NAV1: variants seen among roughly 807,000 people sequenced by gnomAD.
The protein encoded by NAV1 is pore membrane and/or filament interacting like protein 3.
In NAV1, 18 loss-of-function variants were observed where a neutral mutation model predicts 175.2. That is an observed-to-expected ratio of 0.10 (90% CI 0.07 to 0.15). The LOEUF (loss-of-function observed/expected upper bound fraction) is 0.15, where lower values mean the gene tolerates loss of function less well. Among genes scored for constraint, NAV1 ranks in the 10% least tolerant of loss-of-function variants. The pLI, the probability that NAV1 is intolerant of heterozygous loss-of-function variation, is 1.00. For missense variants in NAV1, 1,731 were observed against 2,436.6 expected (o/e 0.71, Z 6.10); for synonymous variants, 897 against 978.7 (o/e 0.92, Z 1.56).
intron 1 of NAV1, among the ~76,000 whole-genome samples, chr1:201,568,837 T>A (rs1666444235): frequency 6.6e-6 from 1 of 152,180 alleles, no homozygotes. Flanking sequence ...CCAGGGTGTC[T>A]GTTTAGTCTA....
intron 1 of NAV1, among the ~76,000 whole-genome samples, chr1:201,561,737 G>A (rs1405960367): frequency 6.6e-6 from 1 of 152,150 alleles, no homozygotes; most frequent in African/African-American, 2.4e-5. Flanking sequence ...TTAAGGACAA[G>A]GCTGTGTTTG....
chr1:201,790,781 G>A lies in NAV1; in HGVS notation c.3321+15G>A. ...TTTCTGCCAATGTGAGTGCCATGAA[G>A]TACGGAAAGATCAAGGCAGTTATTT... On this transcript the variant is annotated intron_variant, in intron 13 of 29. Transcript: ENST00000367296. 1 of 1,613,640 alleles carries A rather than the reference G, an allele frequency of 6.2e-7. No individual in the cohort carries two copies. Among genetic ancestry groups the A allele is most frequent in the Non-Finnish European group, 8.5e-7 (1 of 1,179,556 alleles).
At chr1:201,557,559 T>A (rs1254564507) in intron 1 of NAV1, among the ~76,000 whole-genome samples, 1 of 152,170 alleles carries the variant, frequency 6.6e-6, no homozygotes, top group African/African-American at 2.4e-5. Context: ...CCCAAAACAC[T>A]TAACTACCAC....
chr1:201,758,753 T>C (rs1449752766), intron 3 of NAV1, among the ~76,000 whole-genome samples: 1 of 152,248 alleles, frequency 6.6e-6, no homozygotes, highest in Non-Finnish European at 1.5e-5. Flanking sequence ...CCAAGTGATC[T>C]GAGTAAATGC....
At chr1:201,817,502 T>C (rs922162057) in intron 29 of NAV1, among the ~76,000 whole-genome samples, 1 of 152,086 alleles carries the variant, frequency 6.6e-6, no homozygotes, top group African/African-American at 2.4e-5. Context: ...TTCACACTTT[T>C]CATACATACA....
At chr1:201,638,752 T>A (rs879701322) in intron 2 of NAV1, among the ~76,000 whole-genome samples, 5 of 151,838 alleles carry the variant, frequency 3.3e-5, no homozygotes, top group African/African-American at 9.7e-5. Context: ...AAAATGAAGA[T>A]AATGACAGCC....
At chr1:201,564,259 A>G (rs1247245268) in intron 1 of NAV1, among the ~76,000 whole-genome samples, 1 of 151,792 alleles carries the variant, frequency 6.6e-6, no homozygotes, top group Non-Finnish European at 1.5e-5. Flanking sequence ...GTTCAGTCTC[A>G]CCTCCTCCAC....
intron 1 of NAV1, among the ~76,000 whole-genome samples, chr1:201,547,502 A>C (rs1665706448): frequency 6.6e-6 from 1 of 152,250 alleles, no homozygotes; most frequent in Non-Finnish European, 1.5e-5. Context: ...AAATAAGGTC[A>C]TGATCCCTAA....
Position 201,718,580 on chromosome 1 carries a change from C to T in NAV1, c.1051C>T (p.Arg351Trp), listed in dbSNP as rs1353239505. 8.7e-6 allele frequency: 14 copies of T among 1,613,990 alleles called. No individual in the cohort carries two copies. Among genetic ancestry groups the T allele is most frequent in the African/African-American group, 4.0e-5 (3 of 74,926 alleles). The stretch of plus-strand genomic sequence containing the variant: ...GCCCGCCTGGTACATGCACGGCGAA[C>T]GGGCCCACTACTCCCACACCATGCC... The change falls in exon 3 of 30, where the codon CGG becomes TGG. Residue 351 changes from arginine (R) to tryptophan (W), a missense_variant. Physicochemically the swap from Arg to Trp is moderately radical, Grantham distance 101. This residue lies in a region of NAV1 where 487 missense variants were observed against 581.3 expected (regional missense o/e 0.84). Transcript: ENST00000367296. The surrounding 1 kb of genome is among the most constrained non-coding windows in gnomAD (Gnocchi z 4.8).
chr1:201,683,566 G>A (rs1471858409), intron 1 of NAV1, among the ~76,000 whole-genome samples: 8 of 152,064 alleles, frequency 5.3e-5, no homozygotes, highest in Non-Finnish European at 7.4e-5. Flanking sequence ...GGGCTCAGGC[G>A]GTCATGCTTG....
chr1:201,793,385 G>A (rs1677233227), intron 13 of NAV1: 1 of 157,466 alleles, frequency 6.4e-6, no homozygotes, highest in Non-Finnish European at 1.4e-5. Context: ...GTCCCTTGGG[G>A]GCCGGCCCAC....
chr1:201,646,012 T>C (rs1348844411), upstream of NAV1, among the ~76,000 whole-genome samples: 4 of 152,222 alleles, frequency 2.6e-5, no homozygotes, highest in African/African-American at 9.7e-5. Context: ...AGCATGGTCA[T>C]GCTTACTCAA....
intron 1 of NAV1, among the ~76,000 whole-genome samples, chr1:201,703,872 C>T (rs1671551531): frequency 6.6e-6 from 1 of 152,202 alleles, no homozygotes; most frequent in Admixed American, 6.5e-5. Context: ...GGTGACTGTC[C>T]TCCCAGCTCA....
chr1:201,750,211 GC>G lies in NAV1; in HGVS notation c.1227-30209del, dbSNP rs1674016781. On this transcript the variant is annotated intron_variant, in intron 3 of 29. Coordinates refer to ENST00000367296, the Ensembl canonical transcript of NAV1. The surrounding 1 kb of genome is among the most constrained non-coding windows in gnomAD (Gnocchi z 4.1). ...TTTTTTATAACAAAGACCTACCGCT[GC>G]AAGGATTTTACATGTAATGAGTGCC... Among the ~76,000 whole-genome samples, 1 of 152,186 alleles carries G rather than the reference GC, an allele frequency of 6.6e-6. No homozygotes were observed. The highest frequency in any genetic ancestry group is 2.4e-5 in the African/African-American group (1 of 41,452).
At chr1:201,616,565 G>A (rs536166956) in intron 2 of NAV1, among the ~76,000 whole-genome samples, 4 of 152,068 alleles carry the variant, frequency 2.6e-5, no homozygotes, top group African/African-American at 9.6e-5. Context: ...TCGGCTCACT[G>A]CAACCTCCGC....
intron 1 of NAV1, among the ~76,000 whole-genome samples, chr1:201,558,227 A>G (rs539054726): frequency 2.0e-5 from 3 of 152,232 alleles, no homozygotes; most frequent in Admixed American, 2.0e-4. Context: ...GAGAATGGTC[A>G]CTCCATAACC....
intron 1 of NAV1, among the ~76,000 whole-genome samples, chr1:201,542,597 C>A (rs1233477182): frequency 6.6e-6 from 1 of 152,052 alleles, no homozygotes; most frequent in Non-Finnish European, 1.5e-5. Flanking sequence ...TGCTTCCCAG[C>A]ATCCTGTGAC....
At chr1:201,723,947 C>T (rs1672497213) in intron 3 of NAV1, 1 of 152,084 alleles carries the variant, frequency 6.6e-6, no homozygotes, top group South Asian at 2.1e-4. Context: ...ATTCTCTAGA[C>T]CAAAAAGAAA....
At chr1:201,730,367 C>G (rs1265401513) in intron 3 of NAV1, among the ~76,000 whole-genome samples, 1 of 152,226 alleles carries the variant, frequency 6.6e-6, no homozygotes, top group Non-Finnish European at 1.5e-5. Flanking sequence ...GAACAGAACC[C>G]AGGCCTCTGC....
Sources: gnomAD v4.1 joint callset for allele counts (sites outside exome capture counted in the v4.1 genomes callset) on GRCh38, gnomAD v4.1.1 for gene constraint, gnomAD v4.1.1 regional missense constraint, Gnocchi (gnomAD v3.1) non-coding constraint, MANE v1.5 for transcripts, NCBI Gene and HGNC (gene_info 2026-07-23, HGNC 2026-07-21) for gene names.